Variants in PLXDC2 observed in about 807,000 individuals in gnomAD.
PLXDC2 encodes plexin domain containing 2.
A neutral mutation model predicts 68.9 loss-of-function variants in PLXDC2; 40 were observed. The ratio of observed to expected loss-of-function variants is 0.58; its 90% CI spans 0.45 to 0.76. PLXDC2 has a LOEUF of 0.76. Among genes scored for constraint, PLXDC2 ranks in the 30% least tolerant of loss-of-function variants. PLXDC2 has a pLI of 0.00. For synonymous variants in PLXDC2, 243 were observed against 234.2 expected (o/e 1.04, Z -0.34); for missense variants, 644 against 661.9 (o/e 0.97, Z 0.30).
intron 13 of PLXDC2, among the ~76,000 whole-genome samples, chr10:20,253,716 C>G (rs115130247): frequency 0.015 from 2,226 of 152,196 alleles, 49 homozygotes; most frequent in African/African-American, 0.049. Flanking sequence ...AGTAAATTTC[C>G]TTGAGGACTC....
chr10:19,920,901 T>A (rs1357581242), intron 1 of PLXDC2, among the ~76,000 whole-genome samples: 1 of 151,998 alleles, frequency 6.6e-6, no homozygotes, highest in African/African-American at 2.4e-5. Context: ...TCAGTTTGTA[T>A]GATTTTTATT....
chr10:19,936,904 T>G (rs893072074), intron 1 of PLXDC2, among the ~76,000 whole-genome samples: 11 of 152,336 alleles, frequency 7.2e-5, no homozygotes, highest in African/African-American at 2.6e-4. Context: ...GGCTGTTACA[T>G]AATATCCTAT....
intron 1 of PLXDC2, among the ~76,000 whole-genome samples, chr10:19,959,274 A>G (rs1330034066): frequency 2.0e-5 from 3 of 152,182 alleles, no homozygotes; most frequent in African/African-American, 7.2e-5. Flanking sequence ...AGATACCTGG[A>G]ATGATTGTCT....
At chr10:20,246,443 G>A (rs1303500076) in intron 13 of PLXDC2, among the ~76,000 whole-genome samples, 3 of 152,260 alleles carry the variant, frequency 2.0e-5, no homozygotes, top group East Asian at 1.9e-4. Context: ...TCTGCCTTCC[G>A]GGTTCAAGCA....
intron 1 of PLXDC2, among the ~76,000 whole-genome samples, chr10:19,904,781 T>C (rs1433722404): frequency 2.6e-5 from 4 of 152,188 alleles, no homozygotes. Context: ...TCCTCCATCT[T>C]CCTGTGTTAG....
intron 1 of PLXDC2, among the ~76,000 whole-genome samples, chr10:19,883,784 G>A (rs748236934): frequency 1.6e-4 from 24 of 149,448 alleles, no homozygotes; most frequent in Non-Finnish European, 2.1e-4. Context: ...CCTTTCAGTC[G>A]TCCAGTGTTC....
intron 1 of PLXDC2, among the ~76,000 whole-genome samples, chr10:19,871,817 C>A (rs10082538): frequency 2.7e-5 from 4 of 149,072 alleles, no homozygotes; most frequent in African/African-American, 9.9e-5. Context: ...ACCCGGGAGG[C>A]GGAGGTTGCA....
chr10:20,238,677 G>GTGTATATATATATATATATATATA (rs1554777563), intron 12 of PLXDC2, among the ~76,000 whole-genome samples: 66 of 76,890 alleles, frequency 8.6e-4, no homozygotes, highest in African/African-American at 2.9e-3. Context: ...ATATATATAT[G>GTGTATATATATATATATATATATA]TATATATATA....
chr10:20,012,340 A>T (rs112433179), intron 2 of PLXDC2, among the ~76,000 whole-genome samples: 105,414 of 106,980 alleles, frequency 0.99, 51,937 homozygotes, highest in Middle Eastern at 1. Flanking sequence ...TTTTTGGAGA[A>T]GGAGACTTGC....
At position 19,823,510 on chromosome 10, in the gene PLXDC2, C is replaced by T. The variant is rs184453085; in HGVS notation, c.112+6319C>T. Reference sequence around the variant, plus strand: ...CATCCTGGCCAACATGGTGAAACCCCGTCTTCCCTAAAAATAAAAAAAATT... The same window carrying T: ...CATCCTGGCCAACATGGTGAAACCCTGTCTTCCCTAAAAATAAAAAAAATT... On this transcript the variant is annotated intron_variant, in intron 1 of 13. Coordinates refer to ENST00000377252, the MANE Select transcript of PLXDC2 (RefSeq NM_032812.9). Among the ~76,000 whole-genome samples the T allele has an allele frequency of 6.2e-3, 936 of 151,186 alleles. 6 individuals carry two copies. Among genetic ancestry groups the T allele is most frequent in the African/African-American group, 0.021 (847 of 41,200 alleles).
intron 13 of PLXDC2, among the ~76,000 whole-genome samples, chr10:20,262,485 CCCTCCAGGCAG>C (rs1246462590): frequency 1.3e-5 from 2 of 152,190 alleles, no homozygotes; most frequent in Admixed American, 6.5e-5. Context: ...GTATATACCT[CCCTCCAGGCAG>C]CCTCCAGGCT....
intron 1 of PLXDC2, among the ~76,000 whole-genome samples, chr10:19,823,977 C>T (rs1412273404): frequency 6.6e-6 from 1 of 152,112 alleles, no homozygotes; most frequent in African/African-American, 2.4e-5. Flanking sequence ...CACTGCATTC[C>T]AGCCTGGCCA....
intron 12 of PLXDC2, among the ~76,000 whole-genome samples, chr10:20,233,493 T>C (rs1835392061): frequency 6.6e-6 from 1 of 152,176 alleles, no homozygotes; most frequent in Non-Finnish European, 1.5e-5. Context: ...GCTTTGCATG[T>C]TTAACTCATT....
chr10:19,972,463 G>T (rs1834371352), intron 1 of PLXDC2, among the ~76,000 whole-genome samples: 1 of 152,196 alleles, frequency 6.6e-6, no homozygotes, highest in Non-Finnish European at 1.5e-5. Context: ...GGTGGGAGGA[G>T]AATGAAGATT....
chr10:20,242,617 C>A (rs1471251479), intron 12 of PLXDC2, among the ~76,000 whole-genome samples: 1 of 152,152 alleles, frequency 6.6e-6, no homozygotes, highest in African/African-American at 2.4e-5. Flanking sequence ...TTTCCTCCTC[C>A]CTTCTCACCA....
chr10:20,077,224 A>G (rs1836466511), intron 4 of PLXDC2, among the ~76,000 whole-genome samples: 1 of 152,124 alleles, frequency 6.6e-6, no homozygotes, highest in Admixed American at 6.5e-5. Flanking sequence ...TCCAACCCCA[A>G]ATGCAAAGTT....
At chr10:20,222,658 T>C (rs1181049780) in intron 12 of PLXDC2, among the ~76,000 whole-genome samples, 1 of 152,162 alleles carries the variant, frequency 6.6e-6, no homozygotes, top group Non-Finnish European at 1.5e-5. Context: ...AGAGCTTTGA[T>C]TGACCATTGA....
At chr10:19,928,994 A>AGG (rs1393411382) in intron 1 of PLXDC2, among the ~76,000 whole-genome samples, 6 of 151,442 alleles carry the variant, frequency 4.0e-5, no homozygotes, top group African/African-American at 7.3e-5. Flanking sequence ...ACCTCAGCTG[A>AGG]TTCGCCCACT....
rs898615597 is a variant in PLXDC2, at chr10:20,232,952, GT to G, written c.1313-12384del. ...GATATGTTTTCATAAACTAGGCATA[GT>G]TTTTTTTTAAATTCCTGTGAATAAA... On this transcript the variant is annotated intron_variant, in intron 12 of 13. Transcript: ENST00000377252. 4.3e-4 allele frequency among the ~76,000 whole-genome samples: 65 copies of G among 151,668 alleles called. 1 individual carries two copies. The highest frequency in any genetic ancestry group is 1.3e-3 in the African/African-American group (52 of 41,370).
Sources: gnomAD v4.1 joint callset for allele counts (sites outside exome capture counted in the v4.1 genomes callset) on GRCh38, gnomAD v4.1.1 for gene constraint, MANE v1.5 for transcripts, NCBI Gene and HGNC (gene_info 2026-07-23, HGNC 2026-07-21) for gene names.